The following PAX5 variants were observed in gnomAD, a reference collection of about 807,000 sequenced individuals.
PAX5 encodes paired box 5.
PAX5 carries 9 observed loss-of-function variants against 43.7 expected under a neutral mutation model. The ratio of observed to expected loss-of-function variants is 0.21; its 90% confidence interval spans 0.12 to 0.36. PAX5 has a LOEUF of 0.36. PAX5 is among the 10% of genes least tolerant of loss of function. The probability of loss-of-function intolerance (pLI) is 1.00; values close to 1 mark genes in which losing one functional copy is unlikely to be tolerated. For missense variants in PAX5, 383 were observed against 532.7 expected (o/e 0.72, Z 2.77); for synonymous variants, 228 against 214.3 (o/e 1.06, Z -0.56).
intron 6 of PAX5, among the ~76,000 whole-genome samples, chr9:36,946,402 C>A (rs147344882): frequency 4.1e-4 from 63 of 152,262 alleles, no homozygotes; most frequent in African/African-American, 1.5e-3. Context: ...GAGCAGCTGA[C>A]CTCAGTGTGT....
At chr9:36,921,972 C>A (rs1830207899) in intron 7 of PAX5, among the ~76,000 whole-genome samples, 1 of 152,278 alleles carries the variant, frequency 6.6e-6, no homozygotes, top group Non-Finnish European at 1.5e-5. Flanking sequence ...CAGATGGGCT[C>A]CCCGGCTCCC....
In PAX5 at chr9:36,960,328, C is replaced by T. The variant is rs569112754; in HGVS notation, c.780+6221G>A. On this transcript the variant is annotated intron_variant, in intron 6 of 9. Coordinates refer to ENST00000358127, the MANE Select transcript of PAX5 (RefSeq NM_016734.3). ...ACACGTTCATGCACATACACACATG[C>T]ACACGCCAGCCCTGGGAGAGGCTGG... Among the ~76,000 whole-genome samples, 74 of 152,324 alleles carry T rather than the reference C, an allele frequency of 4.9e-4. 1 individual carries two copies. The highest frequency in any genetic ancestry group is 1.4e-3 in the East Asian group (7 of 5,180).
At chr9:36,955,701 T>C (rs960291875) in intron 6 of PAX5, among the ~76,000 whole-genome samples, 3 of 151,464 alleles carry the variant, frequency 2.0e-5, no homozygotes, top group African/African-American at 7.3e-5. Flanking sequence ...CATTAGCTCA[T>C]GCACTTAAAG....
intron 7 of PAX5, among the ~76,000 whole-genome samples, chr9:36,916,492 A>G (rs1563963694): frequency 6.6e-6 from 1 of 152,194 alleles, no homozygotes; most frequent in Non-Finnish European, 1.5e-5. Flanking sequence ...TTTTGATAGA[A>G]ATTATTTTGA....
rs193192814 is a variant in PAX5, at chr9:37,021,195, G to T, written c.47-394C>A. 3.6e-3 allele frequency among the ~76,000 whole-genome samples: 550 copies of T among 151,966 alleles called. 2 individuals carry two copies. The highest frequency in any genetic ancestry group is 5.6e-3 in the South Asian group (27 of 4,822). ...CATTAAAATACATCATATTTAAAGA[G>T]GAAAAAAATAAAACTCGTTTCCTTT... On this transcript the variant is annotated intron_variant, in intron 1 of 9. Transcript: ENST00000358127.
At chr9:37,033,908 C>G (rs2132591995) in intron 1 of PAX5, 78 bp downstream of exon 1, 1 of 1,372,678 alleles carries the variant, frequency 7.3e-7, no homozygotes, top group Non-Finnish European at 1.0e-6. Flanking sequence ...CCTCCTCCTC[C>G]AGGGTCACCC....
intron 5 of PAX5, among the ~76,000 whole-genome samples, chr9:36,990,560 C>A (rs182393959): frequency 6.6e-6 from 1 of 152,220 alleles, no homozygotes; most frequent in South Asian, 2.1e-4. Flanking sequence ...ATTATTTGGA[C>A]AAGTCAACGA....
chr9:36,968,025 C>T (rs761310823), intron 5 of PAX5, among the ~76,000 whole-genome samples: 3 of 152,182 alleles, frequency 2.0e-5, no homozygotes, highest in Admixed American at 6.5e-5. Flanking sequence ...AAATGTTTCC[C>T]GTGAGGAAAT....
chr9:37,004,434 T>TG (rs1838211339), intron 4 of PAX5, among the ~76,000 whole-genome samples: 1 of 152,236 alleles, frequency 6.6e-6, no homozygotes, highest in South Asian at 2.1e-4. Flanking sequence ...GAGCCACCTT[T>TG]GACTCTTAAG....
intron 2 of PAX5, among the ~76,000 whole-genome samples, chr9:37,019,586 C>A (rs555626450): frequency 2.6e-4 from 39 of 152,188 alleles, no homozygotes; most frequent in Non-Finnish European, 4.7e-4. Context: ...AGGGAAGGAG[C>A]CAGGAGAAAG....
At chr9:36,841,240 A>C (rs1314267284) in intron 9 of PAX5, among the ~76,000 whole-genome samples, 4 of 152,222 alleles carry the variant, frequency 2.6e-5, no homozygotes, top group African/African-American at 9.6e-5. Context: ...TCATACATAC[A>C]CAATGCGAAC....
intron 8 of PAX5, among the ~76,000 whole-genome samples, chr9:36,878,919 A>T (rs1410598136): frequency 6.6e-6 from 1 of 152,230 alleles, no homozygotes; most frequent in East Asian, 1.9e-4. Context: ...GCATGAGAAG[A>T]GACAGCAAGG....
chr9:36,859,474 C>T (rs1823987306), intron 8 of PAX5, among the ~76,000 whole-genome samples: 1 of 152,162 alleles, frequency 6.6e-6, no homozygotes, highest in African/African-American at 2.4e-5. Context: ...CCCTCCCTCC[C>T]CCTGCCAGCC....
rs562380104 is a variant in PAX5 at position 36,978,532 on chromosome 9, T to A, written c.605-11808A>T. 9.9e-4 allele frequency among the ~76,000 whole-genome samples: 146 copies of A among 147,900 alleles called. 2 individuals are homozygous for A. Among genetic ancestry groups the A allele is most frequent in the Admixed American group, 2.0e-3 (29 of 14,712 alleles). ...TAAATAAATAAATAAATAAAAGGGTTTAAAAATCATATTTACTCTGATATC... is the reference window on the plus strand; with the variant it reads ...TAAATAAATAAATAAATAAAAGGGTATAAAAATCATATTTACTCTGATATC... On this transcript the variant is annotated intron_variant, in intron 5 of 9. Coordinates refer to ENST00000358127, the MANE Select transcript of PAX5 (RefSeq NM_016734.3).
chr9:36,909,797 A>T (rs1829105772), intron 7 of PAX5, among the ~76,000 whole-genome samples: 1 of 145,112 alleles, frequency 6.9e-6, no homozygotes, highest in Non-Finnish European at 1.5e-5. Context: ...TTTTTCCAAG[A>T]GAAGCTAGAC....
At chr9:36,894,965 C>T (rs1417025648) in intron 7 of PAX5, among the ~76,000 whole-genome samples, 1 of 152,210 alleles carries the variant, frequency 6.6e-6, no homozygotes, top group Non-Finnish European at 1.5e-5. Flanking sequence ...TTCCTTTCCT[C>T]GTCTAAGGGA....
chr9:36,889,800 G>A (rs1337163782), intron 7 of PAX5, among the ~76,000 whole-genome samples: 1 of 152,096 alleles, frequency 6.6e-6, no homozygotes, highest in Non-Finnish European at 1.5e-5. Context: ...GCTTCTCTTC[G>A]CATCAGCGTC....
intron 5 of PAX5, among the ~76,000 whole-genome samples, chr9:36,978,448 T>A (rs1835637479): frequency 6.6e-6 from 1 of 152,164 alleles, no homozygotes; most frequent in Non-Finnish European, 1.5e-5. Flanking sequence ...GATGCATACA[T>A]CCCTTTTATG....
chr9:36,897,343 TG>T (rs1049367145), intron 7 of PAX5, among the ~76,000 whole-genome samples: 1 of 152,028 alleles, frequency 6.6e-6, no homozygotes, highest in African/African-American at 2.4e-5. Context: ...TCAACCAGTT[TG>T]GGGGAGGGGT....
Sources: gnomAD v4.1 joint callset for allele counts (sites outside exome capture counted in the v4.1 genomes callset) on GRCh38, gnomAD v4.1.1 for gene constraint, MANE v1.5 for transcripts, NCBI Gene and HGNC (gene_info 2026-07-23, HGNC 2026-07-21) for gene names.